CACNA1A: variants seen among roughly 807,000 people sequenced by gnomAD.
The protein encoded by CACNA1A is voltage-dependent P/Q-type calcium channel subunit alpha-1A.
Under a neutral mutation model 262.4 loss-of-function variants are expected in CACNA1A, and 57 were observed. That is an observed-to-expected ratio of 0.22 (90% CI 0.18 to 0.27). The LOEUF (loss-of-function observed/expected upper bound fraction) is 0.27. Among genes scored for constraint, CACNA1A ranks in the 10% least tolerant of loss-of-function variants. The pLI is 1.00. For synonymous variants in CACNA1A, 1,431 were observed against 1,419.3 expected, an observed-to-expected ratio of 1.01 and a Z score of -0.18; for missense variants, 2,526 against 3,562.8, an observed-to-expected ratio of 0.71 and a Z score of 7.41.
At chr19:13,286,220 T>C (rs1376479499) in intron 20 of CACNA1A, among the ~76,000 whole-genome samples, 3 of 152,130 alleles carry the variant, frequency 2.0e-5, no homozygotes. Flanking sequence ...GAGGACCCTA[T>C]TGCTCCTCAA....
Position 13,333,131 on chromosome 19 carries a change from G to A in CACNA1A, c.1199-206C>T, listed in dbSNP as rs117937574. Among the ~76,000 whole-genome samples the A allele has an allele frequency of 1.3e-3, 196 of 152,034 alleles. 3 individuals are homozygous for A. In the East Asian group the frequency reaches 0.03, roughly 23 times the overall value. ...CAATAGCCAACATTCTCCCCACCTC[G>A]CGCAAAATAAAAACCAATGTCCACA... is the stretch of plus-strand genomic sequence containing the variant. On this transcript the variant is annotated intron_variant, in intron 8 of 46. Coordinates refer to ENST00000360228, the MANE Select transcript of CACNA1A (RefSeq NM_001127222.2).
intron 1 of CACNA1A, among the ~76,000 whole-genome samples, chr19:13,485,623 T>C (rs1471370528): frequency 1.3e-5 from 2 of 152,346 alleles, no homozygotes; most frequent in African/African-American, 2.4e-5. Context: ...TTTTAAACTA[T>C]GTTCACTCTA....
chr19:13,380,749 G>GTTTA (rs758031682), intron 3 of CACNA1A, among the ~76,000 whole-genome samples: 8,041 of 80,890 alleles, frequency 0.099, 258 homozygotes, highest in Non-Finnish European at 0.11. Context: ...TTGTTTGTTT[G>GTTTA]TTTATTTATT....
chr19:13,264,682 G>A (rs1052960223), intron 24 of CACNA1A, among the ~76,000 whole-genome samples: 84 of 152,156 alleles, frequency 5.5e-4, no homozygotes, highest in African/African-American at 1.9e-3. Flanking sequence ...AGAACTACCC[G>A]GTCCTCAAAG....
chr19:13,208,146 G>C, intron 46 of CACNA1A, 93 bp from the exon 47 acceptor site: 3 of 431,820 alleles, frequency 6.9e-6, no homozygotes, highest in Non-Finnish European at 9.4e-6. Context: ...GGAGCGAAGG[G>C]AGAGGGGCCG....
At chr19:13,437,373 A>G (rs2060629582) in intron 3 of CACNA1A, among the ~76,000 whole-genome samples, 1 of 152,142 alleles carries the variant, frequency 6.6e-6, no homozygotes, top group Non-Finnish European at 1.5e-5. Flanking sequence ...ACACTGCAGA[A>G]GGGAAGAGAG....
rs1450319887 is a variant in CACNA1A, at chr19:13,413,482, G to T, written c.539+39394C>A. Among the ~76,000 whole-genome samples, 13 of 150,176 alleles carry T rather than the reference G, an allele frequency of 8.7e-5. No homozygotes were observed. In the Admixed American group the frequency reaches 8.7e-4, roughly 10 times the overall value. On this transcript the variant is annotated intron_variant, in intron 3 of 46. Coordinates refer to ENST00000360228, the MANE Select transcript of CACNA1A (RefSeq NM_001127222.2). Reference sequence around the variant, plus strand: ...AGCTACTAGGGAGGCCAAGGCAAGAGGATCCCTTGAGCCCAGGAGGTCACG... The same window carrying T: ...AGCTACTAGGGAGGCCAAGGCAAGATGATCCCTTGAGCCCAGGAGGTCACG...
rs1284236026 is a variant in CACNA1A at position 13,241,534 on chromosome 19, C to A, written c.4950+3648G>T. 2 of 1,034,872 alleles carry A rather than the reference C, an allele frequency of 1.9e-6. No individual in the cohort carries two copies. The highest frequency in any genetic ancestry group is 2.7e-6 in the Non-Finnish European group (2 of 750,348). The allele number at this position is 1,034,872 out of a possible 1,614,324, so 64.1% of individuals were successfully genotyped here. Reference sequence around the variant, plus strand: ...AGTAAGACCAACCGGATTCTAGATGCAGATGTTGAAGATGAGGGGGAGCGG... The same window carrying A: ...AGTAAGACCAACCGGATTCTAGATGAAGATGTTGAAGATGAGGGGGAGCGG... On this transcript the variant is annotated intron_variant, in intron 31 of 46. Transcript: ENST00000360228. The surrounding 1 kb of genome is among the most constrained non-coding windows in gnomAD (Gnocchi z 4.0).
intron 1 of CACNA1A, among the ~76,000 whole-genome samples, chr19:13,463,206 A>T (rs115406171): frequency 2.2e-4 from 33 of 152,264 alleles, no homozygotes; most frequent in African/African-American, 7.9e-4. Flanking sequence ...GATTAGACCA[A>T]ATGGGTTACA....
chr19:13,443,205 C>G lies in CACNA1A; in HGVS notation c.539+9671G>C, dbSNP rs144331654. 2.8e-4 allele frequency among the ~76,000 whole-genome samples: 42 copies of G among 152,272 alleles called. No individual in the cohort carries two copies. The East Asian group carries it at 7.3e-3, about 27-fold the overall frequency. ...AATTGCTTTTTCTTTATAAATTACT[C>G]AGTTTCAGGTGTTCTGCTATAAGCA... On this transcript the variant is annotated intron_variant, in intron 3 of 46. Coordinates refer to ENST00000360228, the MANE Select transcript of CACNA1A (RefSeq NM_001127222.2).
Position 13,241,665 on chromosome 19 carries a change from GT to G in CACNA1A, c.4950+3516del. The stretch of plus-strand genomic sequence containing the variant: ...GGTTCCCGGGCGGGGAGTGGGGGTG[GT>G]GGTGGCGGTGGGTTGGGAGATAAGT... On this transcript the variant is annotated intron_variant, in intron 31 of 46. Transcript: ENST00000360228. This position sits in a 1 kb window ranked among gnomAD's most constrained non-coding sequence, Gnocchi z 4.0. 1.5e-6 allele frequency: 1 copy of G among 655,064 alleles called. No individual in the cohort carries two copies. The highest frequency in any genetic ancestry group is 2.8e-6 in the Non-Finnish European group (1 of 359,034). The allele number at this position is 655,064 out of a possible 1,614,324, so 40.6% of individuals were successfully genotyped here.
chr19:13,389,932 C>A (rs1017865515), intron 3 of CACNA1A, among the ~76,000 whole-genome samples: 2 of 152,142 alleles, frequency 1.3e-5, no homozygotes, highest in Non-Finnish European at 2.9e-5. Flanking sequence ...CCTGCCTCAG[C>A]CTCTCGAGTA....
At chr19:13,464,162 AG>A (rs2061176683) in intron 1 of CACNA1A, among the ~76,000 whole-genome samples, 1 of 152,220 alleles carries the variant, frequency 6.6e-6, no homozygotes, top group African/African-American at 2.4e-5. Flanking sequence ...GCCAAGGCAG[AG>A]GATCGCTTGA....
In CACNA1A at chr19:13,207,521, G is replaced by A; in HGVS notation, c.7313C>T (p.Pro2438Leu). 3 of 1,436,638 alleles carry A rather than the reference G, an allele frequency of 2.1e-6. No individual in the cohort carries two copies. Among genetic ancestry groups the A allele is most frequent in the Non-Finnish European group, 2.7e-6 (3 of 1,097,294 alleles). 89.0% of individuals were successfully genotyped at this position (1,436,638 alleles called of 1,614,324 possible). ...GCCCGAGGACGCGTGTCGTACGGGGGGTGGCGCGTCGTAGGCCCCGGCCAT... is the reference window on the plus strand; with the variant it reads ...GCCCGAGGACGCGTGTCGTACGGGGAGTGGCGCGTCGTAGGCCCCGGCCAT... ...EAMAGAYDAP[P>L]PVRHASSGAT... Residue 2438 changes from proline (P) to leucine (L), a missense_variant, in exon 47 of 47, where the codon CCC (proline) becomes CTC (leucine). This residue lies in a region of CACNA1A where 929 missense variants were observed against 868.1 expected (regional missense o/e 1.07). Transcript: ENST00000360228. This position sits in a 1 kb window ranked among gnomAD's most constrained non-coding sequence, Gnocchi z 5.7.
chr19:13,222,396 T>C (rs1208349065), intron 38 of CACNA1A, among the ~76,000 whole-genome samples: 1 of 13,134 alleles, frequency 7.6e-5, no homozygotes, highest in South Asian at 3.7e-3. Context: ...CTTCTCGGCT[T>C]TTTTTTTTTT....
intron 3 of CACNA1A, among the ~76,000 whole-genome samples, chr19:13,437,956 G>A (rs1432550307): frequency 6.6e-6 from 1 of 152,114 alleles, no homozygotes; most frequent in Non-Finnish European, 1.5e-5. Flanking sequence ...CTCTTCCCTT[G>A]CACGCCAACC....
chr19:13,300,945 TTTTTC>T (rs1438087159), intron 17 of CACNA1A, among the ~76,000 whole-genome samples: 1 of 151,994 alleles, frequency 6.6e-6, no homozygotes, highest in East Asian at 1.9e-4. Flanking sequence ...AGCCTATTTT[TTTTTC>T]TTTTGTTTGT....
intron 3 of CACNA1A, among the ~76,000 whole-genome samples, chr19:13,448,172 A>G (rs542090790): frequency 2.0e-5 from 3 of 152,168 alleles, no homozygotes; most frequent in Non-Finnish European, 4.4e-5. Context: ...AATACTATGC[A>G]GCCAAGAAAA....
chr19:13,502,184 G>A (rs941228522), intron 1 of CACNA1A, among the ~76,000 whole-genome samples: 40 of 149,942 alleles, frequency 2.7e-4, no homozygotes, highest in Non-Finnish European at 3.7e-4. Flanking sequence ...AAAAAAATGA[G>A]AGGAGTGCCA....
Sources: gnomAD v4.1 joint callset for allele counts (sites outside exome capture counted in the v4.1 genomes callset) on GRCh38, gnomAD v4.1.1 for gene constraint, gnomAD v4.1.1 regional missense constraint, Gnocchi (gnomAD v3.1) non-coding constraint, MANE v1.5 for transcripts, NCBI Gene and HGNC (gene_info 2026-07-23, HGNC 2026-07-21) for gene names.